Variants in TLK2 observed in about 807,000 individuals in gnomAD.
TLK2 encodes the protein serine/threonine-protein kinase tousled-like 2.
A neutral mutation model predicts 117.3 loss-of-function variants in TLK2; 6 were observed. The ratio of observed to expected loss-of-function variants is 0.05; its 90% CI spans 0.03 to 0.10. The LOEUF is 0.10. Ranked by LOEUF, TLK2 falls within the 10% of genes least tolerant of loss-of-function variation. TLK2 has a pLI of 1.00. For synonymous variants in TLK2, 257 were observed against 316.7 expected (o/e 0.81, Z 2.00); for missense variants, 299 against 901.2 (o/e 0.33, Z 8.56).
At chr17:62,507,228 C>T (rs553751515) in intron 2 of TLK2, among the ~76,000 whole-genome samples, 7 of 151,600 alleles carry the variant, frequency 4.6e-5, no homozygotes, top group Admixed American at 1.3e-4. Flanking sequence ...CAGCCGAGAT[C>T]GTGCCATTGT....
chr17:62,601,033 T>C (rs1270758515), intron 18 of TLK2, among the ~76,000 whole-genome samples: 3 of 152,110 alleles, frequency 2.0e-5, no homozygotes, highest in Non-Finnish European at 4.4e-5. Context: ...GGAGAAACAA[T>C]ACCTTTATCT....
chr17:62,592,985 C>T (rs752987386), intron 16 of TLK2, among the ~76,000 whole-genome samples: 58 of 152,280 alleles, frequency 3.8e-4, no homozygotes, highest in Non-Finnish European at 4.3e-4. Flanking sequence ...GCTGATCTGA[C>T]AGGACGTGGA....
rs535068762 is a variant in TLK2 at position 62,540,105 on chromosome 17, T to C, written c.531+3768T>C. 4.0e-3 allele frequency among the ~76,000 whole-genome samples: 588 copies of C among 148,120 alleles called. 6 individuals are homozygous for C. Among genetic ancestry groups the C allele is most frequent in the African/African-American group, 0.014 (569 of 40,724 alleles). On this transcript the variant is annotated intron_variant, in intron 7 of 21. Coordinates refer to ENST00000346027, the MANE Select transcript of TLK2 (RefSeq NM_006852.6). ...CTTCTTCTTTCTTTCTTTTCTTTTT[T>C]TTTTTTTTTTTTAATAGAGACAGAG...
upstream of TLK2, among the ~76,000 whole-genome samples, chr17:62,476,326 G>C (rs1460374865): frequency 6.7e-6 from 1 of 150,014 alleles, no homozygotes; most frequent in Non-Finnish European, 1.5e-5. Flanking sequence ...GCTCATGCCT[G>C]TAATCACAGC....
intron 7 of TLK2, among the ~76,000 whole-genome samples, chr17:62,544,742 A>G (rs1345384725): frequency 1.3e-5 from 2 of 152,232 alleles, no homozygotes; most frequent in African/African-American, 4.8e-5. Context: ...TTCTATAAAT[A>G]AACCAGATAG....
At chr17:62,601,810 A>G (rs1303577700) in intron 18 of TLK2, among the ~76,000 whole-genome samples, 2 of 152,224 alleles carry the variant, frequency 1.3e-5, no homozygotes, top group Non-Finnish European at 2.9e-5. Flanking sequence ...AGAGCTCATC[A>G]TAGTGGTGGT....
intron 9 of TLK2, among the ~76,000 whole-genome samples, chr17:62,555,628 G>C (rs1383951077): frequency 6.6e-6 from 1 of 150,710 alleles, no homozygotes; most frequent in African/African-American, 2.4e-5. Flanking sequence ...GATTACAGGC[G>C]CCCGCCACCA....
intron 15 of TLK2, among the ~76,000 whole-genome samples, chr17:62,584,337 GATCTCCC>G (rs1187714246): frequency 4.0e-5 from 6 of 150,894 alleles, no homozygotes; most frequent in Non-Finnish European, 5.9e-5. Context: ...GGATGGTCTC[GATCTCCC>G]GACCTCATGA....
At chr17:62,511,405 C>T (rs1364805018) in intron 2 of TLK2, among the ~76,000 whole-genome samples, 2 of 152,200 alleles carry the variant, frequency 1.3e-5, no homozygotes, top group Non-Finnish European at 2.9e-5. Context: ...GAGTCTCACC[C>T]TGTCACTCAG....
chr17:62,532,364 TTGCAGCTCGTTCTCCCA>T (rs994817349), intron 6 of TLK2, among the ~76,000 whole-genome samples: 2 of 152,230 alleles, frequency 1.3e-5, no homozygotes, highest in African/African-American at 4.8e-5. Context: ...AATTTTACTG[TTGCAGCTCGTTCTCCCA>T]TGCAGTGAGA....
At chr17:62,554,921 A>C (rs2078736450) in intron 9 of TLK2, among the ~76,000 whole-genome samples, 1 of 152,034 alleles carries the variant, frequency 6.6e-6, no homozygotes, top group Non-Finnish European at 1.5e-5. Flanking sequence ...AATACAGAAA[A>C]ATGTGTCACT....
chr17:62,508,360 C>T, intron 2 of TLK2: 1 of 778,196 alleles, frequency 1.3e-6, no homozygotes, highest in Non-Finnish European at 1.6e-6. Context: ...GACAAAGAAG[C>T]ATTTAATGTA....
intron 7 of TLK2, among the ~76,000 whole-genome samples, chr17:62,546,562 T>C (rs1302603875): frequency 6.8e-6 from 1 of 146,670 alleles, no homozygotes; most frequent in African/African-American, 2.5e-5. Flanking sequence ...TTCTTTCTTT[T>C]TTTTTTTTTT....
chr17:62,475,643 C>T (rs535826600), upstream of TLK2, among the ~76,000 whole-genome samples: 6 of 151,900 alleles, frequency 3.9e-5, no homozygotes, highest in Non-Finnish European at 8.8e-5. Context: ...CCGCGCCAGG[C>T]CCAATGATTA....
chr17:62,505,792 A>T (rs1392370922), intron 2 of TLK2, among the ~76,000 whole-genome samples: 1 of 152,106 alleles, frequency 6.6e-6, no homozygotes, highest in Admixed American at 6.6e-5. Flanking sequence ...CTTGGGCTCA[A>T]TTGATCTTCC....
chr17:62,581,287 G>A (rs1260199279), intron 15 of TLK2, among the ~76,000 whole-genome samples: 1 of 152,176 alleles, frequency 6.6e-6, no homozygotes, highest in African/African-American at 2.4e-5. Context: ...ACAGGTGTGA[G>A]ACACTGCACC....
intron 15 of TLK2, among the ~76,000 whole-genome samples, chr17:62,585,269 G>A (rs990460140): frequency 6.6e-6 from 1 of 152,218 alleles, no homozygotes; most frequent in Non-Finnish European, 1.5e-5. Flanking sequence ...TCGGCCAGGC[G>A]CAGTGGCTCA....
intron 2 of TLK2, among the ~76,000 whole-genome samples, chr17:62,491,805 C>T (rs2073138103): frequency 1.3e-5 from 2 of 152,112 alleles, no homozygotes; most frequent in Admixed American, 1.3e-4. Context: ...AGGATGGTCT[C>T]GATCTCCTGA....
In TLK2 at chr17:62,549,419, A is replaced by AAAAAAAAAAAAAAAAAAAAAAAAAAAAAT. The variant is rs1598512362; in HGVS notation, c.532-2865_532-2864insAAAAAAAAAATAAAAAAAAAAAAAAAAAA. On this transcript the variant is annotated intron_variant, in intron 7 of 21. Coordinates refer to ENST00000346027, the MANE Select transcript of TLK2 (RefSeq NM_006852.6). ...ATCTCAAAAAAAAAAAAAAAAAAAA[A>AAAAAAAAAAAAAAAAAAAAAAAAAAAAAT]AAAAAAAAAAAAAAAAAATAGAAAC... Among the ~76,000 whole-genome samples the AAAAAAAAAAAAAAAAAAAAAAAAAAAAAT allele has an allele frequency of 2.6e-4, 2 of 7,746 alleles. 1 individual carries two copies. Among genetic ancestry groups the AAAAAAAAAAAAAAAAAAAAAAAAAAAAAT allele is most frequent in the Non-Finnish European group, 9.6e-4 (2 of 2,094 alleles). The allele number at this position is 7,746 out of a possible 152,430, so 5.1% of individuals were successfully genotyped here. A position where few individuals can be genotyped will look rare whatever the true frequency, so the allele number is the denominator to read the frequency against.
Sources: allele counts gnomAD v4.1 joint callset (sites outside exome capture counted in the v4.1 genomes callset), GRCh38; gene constraint gnomAD v4.1.1; transcripts MANE v1.5; gene names NCBI Gene and HGNC (gene_info 2026-07-23, HGNC 2026-07-21).